Variants in PHIP observed in about 807,000 individuals in gnomAD.
PHIP encodes PHIP subunit of CUL4-Ring ligase complex, also known as PH-interacting protein.
In PHIP, 54 loss-of-function variants were observed where a neutral mutation model predicts 236.8. The ratio of observed to expected loss-of-function variants is 0.23; its 90% CI spans 0.18 to 0.29. PHIP has a LOEUF of 0.29. PHIP is among the 10% of genes least tolerant of loss of function. The pLI is 1.00. For synonymous variants in PHIP, 756 were observed against 718.9 expected (o/e 1.05, Z -0.83); for missense variants, 1,370 against 2,190.8 (o/e 0.63, Z 7.48).
intron 19 of PHIP, among the ~76,000 whole-genome samples, chr6:78,992,716 TTAAC>T: frequency 6.6e-6 from 1 of 152,300 alleles, no homozygotes; most frequent in East Asian, 1.9e-4. Flanking sequence ...AACAATGAAC[TTAAC>T]TGACAAATGT....
At chr6:79,074,733 A>G (rs1268691047) in intron 4 of PHIP, among the ~76,000 whole-genome samples, 3 of 152,134 alleles carry the variant, frequency 2.0e-5, no homozygotes, top group Non-Finnish European at 2.9e-5. Context: ...CACACTTGAA[A>G]TGAACGCATC....
At chr6:79,033,371 G>A (rs528373088) in intron 7 of PHIP, among the ~76,000 whole-genome samples, 1 of 152,178 alleles carries the variant, frequency 6.6e-6, no homozygotes, top group Non-Finnish European at 1.5e-5. Flanking sequence ...ATACACAGCT[G>A]TTTCACCTGT....
At chr6:78,961,609 A>C in intron 31 of PHIP, 81 bp downstream of exon 31, 1 of 1,429,342 alleles carries the variant, frequency 7.0e-7, no homozygotes, top group Non-Finnish European at 9.7e-7. Context: ...CAAAAAGTTG[A>C]GAAACACTGC....
intron 7 of PHIP, among the ~76,000 whole-genome samples, chr6:79,032,126 T>G (rs1197966472): frequency 6.6e-6 from 1 of 152,230 alleles, no homozygotes; most frequent in African/African-American, 2.4e-5. Context: ...TACATTAACT[T>G]AAAAATACTT....
intron 23 of PHIP, among the ~76,000 whole-genome samples, chr6:78,979,561 T>C (rs1189345098): frequency 6.6e-6 from 1 of 152,084 alleles, no homozygotes; most frequent in Non-Finnish European, 1.5e-5. Context: ...TGAGAAACTA[T>C]GCCTCTGAGA....
intron 7 of PHIP, among the ~76,000 whole-genome samples, chr6:79,034,450 AAAC>A (rs1392305414): frequency 6.6e-6 from 1 of 152,218 alleles, no homozygotes; most frequent in East Asian, 1.9e-4. Context: ...TGAAAACTTC[AAAC>A]AACTTCAGAC....
Position 78,945,458 on chromosome 6 carries a change from G to C in PHIP, c.4670C>G (p.Thr1557Ser). ...ACTGGATTGACCAGGACTGGAAAGA[G>C]TATTCAAAGCTTTGGAATGTTTCAC... ...NSVKHSKALNTLSSPGQSSFS... is the reference protein window; with the variant it reads ...NSVKHSKALNSLSSPGQSSFS... Residue 1557 changes from threonine to serine, a missense_variant, in exon 39 of 40, where the codon ACT (threonine) becomes AGT (serine). Thr to Ser is a moderately conservative substitution (Grantham distance 58). Around this residue, in one of 14 missense-constraint regions of PHIP, gnomAD observed 309 missense variants for 328.3 expected, o/e 0.94. Coordinates refer to ENST00000275034, the MANE Select transcript of PHIP (RefSeq NM_017934.7). The C allele has an allele frequency of 6.2e-7, 1 of 1,610,526 alleles. No homozygotes were observed. The highest frequency in any genetic ancestry group is 8.5e-7 in the Non-Finnish European group (1 of 1,176,884).
intron 4 of PHIP, among the ~76,000 whole-genome samples, chr6:79,071,276 T>C (rs139533480): frequency 1.0e-3 from 152 of 152,360 alleles, no homozygotes; most frequent in Non-Finnish European, 1.6e-3. Flanking sequence ...TAACAGTTTG[T>C]GATTTTTCAG....
intron 20 of PHIP, among the ~76,000 whole-genome samples, chr6:78,988,673 GTTAAAGGC>G (rs1769019481): frequency 6.6e-6 from 1 of 151,704 alleles, no homozygotes; most frequent in South Asian, 2.1e-4. Context: ...CATTCATCAA[GTTAAAGGC>G]TTATCATGGT....
rs1264950054 is a variant in PHIP, at chr6:79,059,622, TATAAAA to T, written c.439+850_439+855del. On this transcript the variant is annotated intron_variant, in intron 6 of 39. Transcript: ENST00000275034. The stretch of plus-strand genomic sequence containing the variant: ...ATATATATATATATATATATATATA[TATAAAA>T]ATGCCAAACAAAAGTCATATAAACT... 5.3e-4 allele frequency among the ~76,000 whole-genome samples: 44 copies of T among 83,358 alleles called. No homozygotes were observed. The East Asian group carries it at 0.012, about 23-fold the overall frequency. The allele number at this position is 83,358 out of a possible 152,430, so 54.7% of individuals were successfully genotyped here.
chr6:78,967,348 A>C (rs939561417), intron 27 of PHIP, among the ~76,000 whole-genome samples: 1 of 152,162 alleles, frequency 6.6e-6, no homozygotes, highest in Admixed American at 6.5e-5. Flanking sequence ...CCTCACACTA[A>C]ACATAAAGTT....
chr6:79,074,188 G>A (rs193136472), intron 4 of PHIP, among the ~76,000 whole-genome samples: 211 of 151,926 alleles, frequency 1.4e-3, no homozygotes, highest in African/African-American at 5.0e-3. Context: ...TTTTAAGAAA[G>A]GCAAGTATCA....
chr6:78,975,745 GC>G (rs1768006444), intron 24 of PHIP, among the ~76,000 whole-genome samples: 1 of 151,934 alleles, frequency 6.6e-6, no homozygotes, highest in Non-Finnish European at 1.5e-5. Flanking sequence ...CAAACAGAGA[GC>G]CAAATCATGA....
intron 6 of PHIP, among the ~76,000 whole-genome samples, chr6:79,048,980 T>C (rs1040265310): frequency 6.6e-5 from 10 of 152,154 alleles, no homozygotes; most frequent in African/African-American, 4.8e-5. Context: ...TGCTGCAGAA[T>C]TGGGGGTACT....
chr6:78,940,648 C>A lies in PHIP; in HGVS notation c.*45G>T. The A allele has an allele frequency of 8.8e-7, 1 of 1,139,182 alleles. No homozygotes were observed. The highest frequency in any genetic ancestry group is 1.2e-6 in the Non-Finnish European group (1 of 847,666). 70.6% of individuals were successfully genotyped at this position (1,139,182 alleles called of 1,614,324 possible). A position where few individuals can be genotyped will look rare whatever the true frequency, so the allele number is the denominator to read the frequency against. On this transcript the variant is annotated 3_prime_UTR_variant, in exon 40 of 40. Transcript: ENST00000275034. ...AGCCTTAGTTCTACTTATTCCTTAA[C>A]TGTACCTGCTTTATAGATTTTGAAG...
intron 15 of PHIP, among the ~76,000 whole-genome samples, chr6:79,005,358 G>C (rs572023204): frequency 6.6e-6 from 1 of 151,830 alleles, no homozygotes; most frequent in Admixed American, 6.6e-5. Flanking sequence ...GAGCCATACA[G>C]CTAGGCATTT....
chr6:78,967,429 T>C (rs1435758661), intron 27 of PHIP, among the ~76,000 whole-genome samples: 1 of 152,198 alleles, frequency 6.6e-6, no homozygotes, highest in Non-Finnish European at 1.5e-5. Flanking sequence ...GAGTAATGTG[T>C]GCCTAATCAT....
At chr6:78,998,158 G>T in intron 18 of PHIP, 96 bp downstream of exon 18, 2 of 841,988 alleles carry the variant, frequency 2.4e-6, no homozygotes, top group Non-Finnish European at 3.8e-6. Context: ...TCATTTTACG[G>T]ATGTACCATA....
intron 15 of PHIP, among the ~76,000 whole-genome samples, chr6:79,008,835 T>C (rs978568749): frequency 3.3e-5 from 5 of 152,040 alleles, no homozygotes; most frequent in African/African-American, 1.2e-4. Context: ...AATAAAGAAG[T>C]CAGTTCTCCC....
Sources: allele counts gnomAD v4.1 joint callset (sites outside exome capture counted in the v4.1 genomes callset), GRCh38; gene constraint gnomAD v4.1.1; regional missense constraint gnomAD v4.1.1; transcripts MANE v1.5; gene names NCBI Gene and HGNC (gene_info 2026-07-23, HGNC 2026-07-21).